Variants in CTTNBP2 observed in about 807,000 individuals in gnomAD.
The protein encoded by CTTNBP2 is cortactin binding protein 2, also known as cortactin-binding protein 2.
A neutral mutation model predicts 156.9 loss-of-function variants in CTTNBP2; 108 were observed. The observed-to-expected ratio is 0.69, with a 90% CI of 0.59 to 0.81. The LOEUF is 0.81. CTTNBP2 is among the 30% of genes least tolerant of loss of function. CTTNBP2 has a pLI of 0.00. For missense variants in CTTNBP2, 1,924 were observed against 2,035.4 expected (o/e 0.95, Z 1.05); for synonymous variants, 767 against 751.8 (o/e 1.02, Z -0.33).
At chr7:117,755,574 T>C (rs1796839963) in intron 12 of CTTNBP2, 1 of 469,360 alleles carries the variant, frequency 2.1e-6, no homozygotes, top group South Asian at 1.6e-5. Flanking sequence ...AGTTTCCCCA[T>C]CTGTAAAATG....
intron 1 of CTTNBP2, among the ~76,000 whole-genome samples, chr7:117,863,792 G>C (rs1385068424): frequency 6.6e-6 from 1 of 152,190 alleles, no homozygotes; most frequent in South Asian, 2.1e-4. Flanking sequence ...GAGGAATGGG[G>C]TATTGGCCAG....
chr7:117,718,504 G>A (rs376773617), intron 21 of CTTNBP2, among the ~76,000 whole-genome samples: 79 of 152,196 alleles, frequency 5.2e-4, no homozygotes, highest in African/African-American at 1.7e-3. Context: ...CTACTTTGTC[G>A]TAGATATTAT....
chr7:117,867,890 T>G (rs1454131607), intron 1 of CTTNBP2, among the ~76,000 whole-genome samples: 1 of 152,050 alleles, frequency 6.6e-6, no homozygotes, highest in Non-Finnish European at 1.5e-5. Context: ...TGAAAGGAGG[T>G]AATACTGACA....
At chr7:117,776,135 C>T (rs1217512997) in intron 8 of CTTNBP2, among the ~76,000 whole-genome samples, 1 of 152,176 alleles carries the variant, frequency 6.6e-6, no homozygotes, top group Non-Finnish European at 1.5e-5. Context: ...TCTTCTTGAT[C>T]AAAATGATGT....
chr7:117,711,417 C>T lies in CTTNBP2; in HGVS notation c.*120G>A, dbSNP rs547688649. 1.1e-4 allele frequency: 132 copies of T among 1,150,574 alleles called. No homozygotes were observed. Among genetic ancestry groups the T allele is most frequent in the Middle Eastern group, 3.1e-4 (1 of 3,256 alleles). 71.3% of individuals were successfully genotyped at this position (1,150,574 alleles called of 1,614,324 possible). Reference sequence around the variant, plus strand: ...ACAAAAAAAAATTGAATAGTGGTCCCGCACTCATAATTTATATTACAGTGA... The same window carrying T: ...ACAAAAAAAAATTGAATAGTGGTCCTGCACTCATAATTTATATTACAGTGA... On this transcript the variant is annotated 3_prime_UTR_variant, in exon 23 of 23. Coordinates refer to ENST00000160373, the MANE Select transcript of CTTNBP2 (RefSeq NM_033427.3).
At chr7:117,764,173 TA>T (rs1195801493) in intron 9 of CTTNBP2, among the ~76,000 whole-genome samples, 1 of 152,154 alleles carries the variant, frequency 6.6e-6, no homozygotes, top group Non-Finnish European at 1.5e-5. Context: ...ATTTCCCCAT[TA>T]CCTACATCTT....
At chr7:117,870,837 C>T (rs1023138449) in intron 1 of CTTNBP2, among the ~76,000 whole-genome samples, 3 of 152,206 alleles carry the variant, frequency 2.0e-5, no homozygotes, top group Admixed American at 6.5e-5. Context: ...AATAATGTAG[C>T]TGTTACCCAG....
At chr7:117,716,117 A>G (rs1794345341) in intron 22 of CTTNBP2, 1 of 151,872 alleles carries the variant, frequency 6.6e-6, no homozygotes, top group Non-Finnish European at 1.5e-5. Context: ...ATCAAATTGC[A>G]CATTTAAACA....
At chr7:117,766,235 C>A (rs35331252) in intron 9 of CTTNBP2, among the ~76,000 whole-genome samples, 7 of 151,964 alleles carry the variant, frequency 4.6e-5, no homozygotes, top group Non-Finnish European at 1.0e-4. Context: ...TTTAAGGACC[C>A]GAAACCTAGA....
chr7:117,839,009 T>TA (rs1802123004), intron 2 of CTTNBP2, among the ~76,000 whole-genome samples: 1 of 151,790 alleles, frequency 6.6e-6, no homozygotes, highest in Non-Finnish European at 1.5e-5. Context: ...AGGATTTTTT[T>TA]AAAATCTTTA....
chr7:117,798,680 G>C (rs931369247), intron 3 of CTTNBP2, among the ~76,000 whole-genome samples: 7 of 152,014 alleles, frequency 4.6e-5, no homozygotes, highest in South Asian at 2.1e-4. Flanking sequence ...AAGAAGCTAG[G>C]AAAAGATGGA....
At chr7:117,784,635 G>C (rs1798612905) in intron 4 of CTTNBP2, among the ~76,000 whole-genome samples, 181 bp from the exon 5 acceptor site, 1 of 152,116 alleles carries the variant, frequency 6.6e-6, no homozygotes, top group African/African-American at 2.4e-5. Context: ...TGTTATTTCA[G>C]ATCTTACATC....
At chr7:117,795,909 A>G (rs1017228673) in intron 3 of CTTNBP2, among the ~76,000 whole-genome samples, 1 of 152,100 alleles carries the variant, frequency 6.6e-6, no homozygotes. Flanking sequence ...CTGACTCCCA[A>G]TCATCAATCA....
chr7:117,798,658 T>C (rs1563018998), intron 3 of CTTNBP2, among the ~76,000 whole-genome samples: 1 of 152,072 alleles, frequency 6.6e-6, no homozygotes, highest in Admixed American at 6.5e-5. Context: ...TCAATCATCC[T>C]AGTTTCACCT....
chr7:117,820,538 G>C (rs564362874), intron 2 of CTTNBP2, among the ~76,000 whole-genome samples: 77 of 152,194 alleles, frequency 5.1e-4, no homozygotes, highest in Admixed American at 1.0e-3. Context: ...TCCACTTTGA[G>C]GCAATATTTG....
At chr7:117,828,518 G>A (rs1421413625) in intron 2 of CTTNBP2, among the ~76,000 whole-genome samples, 3 of 152,168 alleles carry the variant, frequency 2.0e-5, no homozygotes, top group Non-Finnish European at 2.9e-5. Flanking sequence ...ATCTATTTCA[G>A]ATCATGCTAT....
intron 4 of CTTNBP2, among the ~76,000 whole-genome samples, chr7:117,785,192 C>CA (rs1246063016): frequency 6.6e-6 from 1 of 152,158 alleles, no homozygotes; most frequent in African/African-American, 2.4e-5. Flanking sequence ...CAAAACAGGA[C>CA]ACTCAACTAT....
intron 2 of CTTNBP2, among the ~76,000 whole-genome samples, chr7:117,844,164 G>A (rs531738850): frequency 6.6e-6 from 1 of 152,264 alleles, no homozygotes; most frequent in East Asian, 1.9e-4. Context: ...AATGCAGACA[G>A]GCTCTAGAAG....
intron 8 of CTTNBP2, among the ~76,000 whole-genome samples, chr7:117,767,410 C>T (rs938006822): frequency 3.3e-5 from 5 of 152,142 alleles, no homozygotes; most frequent in Admixed American, 2.6e-4. Flanking sequence ...CATTGTTCCA[C>T]AGAACAGCTT....
Sources: allele counts gnomAD v4.1 joint callset (sites outside exome capture counted in the v4.1 genomes callset), GRCh38; gene constraint gnomAD v4.1.1; transcripts MANE v1.5; gene names NCBI Gene and HGNC (gene_info 2026-07-23, HGNC 2026-07-21).